Variants in NR1D2 observed in about 807,000 individuals in gnomAD.
The protein encoded by NR1D2 is nuclear receptor subfamily 1 group D member 2, also known as V-erbA-related protein 1-related.
In NR1D2, 25 loss-of-function variants were observed where a neutral mutation model predicts 52.2. The observed-to-expected ratio is 0.48, with a 90% CI of 0.35 to 0.67. NR1D2 has a LOEUF of 0.67. Among genes scored for constraint, NR1D2 ranks in the 30% least tolerant of loss-of-function variants. NR1D2 has a pLI of 0.01. For missense variants in NR1D2, 681 were observed against 707.2 expected (o/e 0.96, Z 0.42); for synonymous variants, 259 against 230.1 (o/e 1.13, Z -1.14).
intron 7 of NR1D2, among the ~76,000 whole-genome samples, chr3:23,970,691 A>G (rs561457322): frequency 6.6e-6 from 1 of 152,344 alleles, no homozygotes; most frequent in South Asian, 2.1e-4. Flanking sequence ...ATGAACATAT[A>G]CAAGTACACA....
intron 5 of NR1D2, among the ~76,000 whole-genome samples, chr3:23,963,781 G>A (rs1053924356): frequency 6.6e-6 from 1 of 151,952 alleles, no homozygotes; most frequent in African/African-American, 2.4e-5. Flanking sequence ...AAAATCTGTG[G>A]GCATTTTGGT....
At chr3:23,958,642 TAAAAAAA>T (rs35959367) in intron 3 of NR1D2, among the ~76,000 whole-genome samples, 36 of 98,100 alleles carry the variant, frequency 3.7e-4, no homozygotes, top group African/African-American at 1.0e-3. Flanking sequence ...CCTGTCTCTT[TAAAAAAA>T]AAAAAAAAAA....
chr3:23,965,234 T>C, intron 6 of NR1D2, 72 bp downstream of exon 6: 1 of 825,790 alleles, frequency 1.2e-6, no homozygotes. Flanking sequence ...ATGTTTTAAT[T>C]CTTTTTTTTT....
At chr3:23,969,309 CA>C (rs368033025) in intron 7 of NR1D2, among the ~76,000 whole-genome samples, 10 of 146,254 alleles carry the variant, frequency 6.8e-5, no homozygotes, top group African/African-American at 2.0e-4. Context: ...ACAAAAACAA[CA>C]AAAAAAAAAC....
At chr3:23,971,632 A>AT (rs1325107266) in intron 7 of NR1D2, among the ~76,000 whole-genome samples, 2 of 151,610 alleles carry the variant, frequency 1.3e-5, no homozygotes, top group Non-Finnish European at 2.9e-5. Context: ...TTCCCTCTCA[A>AT]TTTTTTTATG....
chr3:23,971,234 C>T (rs2125297103), intron 7 of NR1D2, among the ~76,000 whole-genome samples: 1 of 152,078 alleles, frequency 6.6e-6, no homozygotes, highest in Non-Finnish European at 1.5e-5. Flanking sequence ...GATTTCTTAA[C>T]ACCCTTCTTT....
At chr3:23,951,499 A>T (rs1182847035) in intron 1 of NR1D2, among the ~76,000 whole-genome samples, 1 of 152,228 alleles carries the variant, frequency 6.6e-6, no homozygotes, top group African/African-American at 2.4e-5. Flanking sequence ...CAGTGTGCTA[A>T]TACCTGGAAT....
chr3:23,968,185 C>T (rs1047916248), intron 7 of NR1D2, among the ~76,000 whole-genome samples, 162 bp downstream of exon 7: 2 of 152,088 alleles, frequency 1.3e-5, no homozygotes, highest in Non-Finnish European at 1.5e-5. Context: ...CTAATTTTTT[C>T]GTTATAACAA....
intron 1 of NR1D2, among the ~76,000 whole-genome samples, chr3:23,945,838 A>C (rs1222684367): frequency 2.0e-5 from 3 of 149,450 alleles, no homozygotes; most frequent in Non-Finnish European, 4.5e-5. Context: ...CCCCCCTCAC[A>C]TGGCCCGGCC....
intron 4 of NR1D2, 42 bp downstream of exon 4, chr3:23,959,857 C>A: frequency 6.4e-7 from 1 of 1,562,658 alleles, no homozygotes; most frequent in Non-Finnish European, 8.6e-7. Flanking sequence ...GTGTATGGAG[C>A]TTGGCTTTTA....
intron 5 of NR1D2, 33 bp downstream of exon 5, chr3:23,962,638 A>G (rs745325110): frequency 1.3e-6 from 2 of 1,543,740 alleles, no homozygotes; most frequent in Non-Finnish European, 1.7e-6. Context: ...CTTACATTGT[A>G]TCAGGGAAAG....
intron 3 of NR1D2, among the ~76,000 whole-genome samples, chr3:23,956,855 C>T (rs1341389252): frequency 2.0e-5 from 3 of 152,222 alleles, no homozygotes; most frequent in Non-Finnish European, 4.4e-5. Context: ...CATGTTCTTG[C>T]TGTTCTCTGA....
At chr3:23,973,771 A>G (rs556920834) in intron 7 of NR1D2, among the ~76,000 whole-genome samples, 2 of 152,202 alleles carry the variant, frequency 1.3e-5, no homozygotes, top group Non-Finnish European at 2.9e-5. Flanking sequence ...TTAAAACAAC[A>G]CATTGTACAG....
chr3:23,951,191 C>T (rs1705921068), intron 1 of NR1D2, among the ~76,000 whole-genome samples: 2 of 152,122 alleles, frequency 1.3e-5, no homozygotes, highest in East Asian at 3.9e-4. Flanking sequence ...AGGCGTGAGC[C>T]ACTGTGCCCG....
At chr3:23,949,531 C>T (rs1396604737) in intron 1 of NR1D2, among the ~76,000 whole-genome samples, 1 of 152,122 alleles carries the variant, frequency 6.6e-6, no homozygotes, top group African/African-American at 2.4e-5. Context: ...CCTCAGCAGT[C>T]ACAATCATGT....
intron 7 of NR1D2, among the ~76,000 whole-genome samples, chr3:23,970,138 G>A (rs549448274): frequency 2.8e-4 from 42 of 152,326 alleles, no homozygotes; most frequent in Admixed American, 5.2e-4. Context: ...CATTAATTCT[G>A]CATTTTTATT....
intron 4 of NR1D2, 55 bp downstream of exon 4, chr3:23,959,870 C>T (rs999042699): frequency 3.9e-6 from 6 of 1,524,642 alleles, no homozygotes; most frequent in Non-Finnish European, 5.3e-6. Flanking sequence ...GGCTTTTATT[C>T]CTCATCATGA....
chr3:23,962,207 A>G lies in NR1D2; in HGVS notation c.748A>G (p.Lys250Glu), dbSNP rs1477430054. 10 of 1,614,092 alleles carry G rather than the reference A, an allele frequency of 6.2e-6. No individual in the cohort carries two copies. The highest frequency in any genetic ancestry group is 8.5e-6 in the Non-Finnish European group (10 of 1,180,044). ...TTCTCCTCCATCTTCTGATTTTGCA[A>G]AGGAAGAAGTGATTGGCATGGTGAC... ...SSSPPSSDFA[K>E]EEVIGMVTRA... Residue 250 changes from lysine to glutamate, a missense_variant, in exon 5 of 8, where the codon AAG (lysine) becomes GAG (glutamate). By Grantham distance (56) the Lys-to-Glu change is moderately conservative (BLOSUM62 1). Transcript: ENST00000312521.
chr3:23,975,322 CTA>C (rs1025328641), intron 7 of NR1D2, among the ~76,000 whole-genome samples: 6 of 150,598 alleles, frequency 4.0e-5, no homozygotes, highest in Non-Finnish European at 5.9e-5. Context: ...CAAAGACTCA[CTA>C]TGTTGCTCAG....
Sources: gnomAD v4.1 joint callset for allele counts (sites outside exome capture counted in the v4.1 genomes callset) on GRCh38, gnomAD v4.1.1 for gene constraint, MANE v1.5 for transcripts, NCBI Gene and HGNC (gene_info 2026-07-23, HGNC 2026-07-21) for gene names.